Variants in ADAMTS17 observed in about 807,000 individuals in gnomAD.
The protein encoded by ADAMTS17 is A disintegrin and metalloproteinase with thrombospondin motifs 17.
Under a neutral mutation model 141.5 loss-of-function variants are expected in ADAMTS17, and 113 were observed. That is an observed-to-expected ratio of 0.80 (90% CI 0.69 to 0.93). ADAMTS17 has a LOEUF of 0.93. Among genes scored for constraint, ADAMTS17 ranks in the 40% least tolerant of loss-of-function variants. The pLI, the probability that ADAMTS17 is intolerant of heterozygous loss-of-function variation, is 0.00. For synonymous variants in ADAMTS17, 768 were observed against 630.6 expected (o/e 1.22, Z -3.27); for missense variants, 1,659 against 1,517.9 (o/e 1.09, Z -1.54).
intron 6 of ADAMTS17, among the ~76,000 whole-genome samples, chr15:100,256,225 C>A (rs542559144): frequency 6.6e-6 from 1 of 152,212 alleles, no homozygotes; most frequent in Non-Finnish European, 1.5e-5. Flanking sequence ...TGGCTCCCAG[C>A]GCCTACATCC....
chr15:100,221,678 A>G (rs112819327), intron 7 of ADAMTS17, among the ~76,000 whole-genome samples: 2,093 of 152,280 alleles, frequency 0.014, 23 homozygotes, highest in Middle Eastern at 0.031. Context: ...CGTCATTCTC[A>G]TGGGTCTCAA....
intron 7 of ADAMTS17, among the ~76,000 whole-genome samples, chr15:100,242,606 C>A (rs757441946): frequency 6.6e-6 from 1 of 152,188 alleles, no homozygotes; most frequent in Non-Finnish European, 1.5e-5. Flanking sequence ...CTCTCCTCCC[C>A]GTCCTGCACA....
chr15:100,069,572 G>C (rs977766963), intron 15 of ADAMTS17, among the ~76,000 whole-genome samples: 10 of 152,180 alleles, frequency 6.6e-5, no homozygotes, highest in Admixed American at 6.5e-4. Flanking sequence ...AGCCAGAAGA[G>C]AGTGGGGGCC....
At chr15:100,151,172 C>T (rs1015243632) in intron 10 of ADAMTS17, among the ~76,000 whole-genome samples, 3 of 152,200 alleles carry the variant, frequency 2.0e-5, no homozygotes, top group Non-Finnish European at 4.4e-5. Context: ...ACATGGGTGA[C>T]AGCTTCCCAC....
At chr15:100,276,792 G>A (rs1352186703) in intron 4 of ADAMTS17, among the ~76,000 whole-genome samples, 5 of 152,002 alleles carry the variant, frequency 3.3e-5, no homozygotes, top group African/African-American at 9.7e-5. Flanking sequence ...CCGTCCTCCC[G>A]GCTTAAAGGT....
chr15:100,308,253 CATTTT>C (rs776098080), intron 3 of ADAMTS17, among the ~76,000 whole-genome samples: 6 of 152,202 alleles, frequency 3.9e-5, no homozygotes, highest in Admixed American at 6.5e-5. Flanking sequence ...TATTATAAAA[CATTTT>C]ATTTTATCTG....
At chr15:100,082,957 G>T (rs1434915712) in intron 15 of ADAMTS17, among the ~76,000 whole-genome samples, 1 of 152,002 alleles carries the variant, frequency 6.6e-6, no homozygotes, top group Admixed American at 6.6e-5. Flanking sequence ...GAATGAAGAG[G>T]CGTTTCCTAG....
At chr15:100,090,824 G>A (rs554189711) in intron 15 of ADAMTS17, among the ~76,000 whole-genome samples, 26 of 151,566 alleles carry the variant, frequency 1.7e-4, no homozygotes, top group Admixed American at 1.3e-3. Flanking sequence ...TGAACGACAC[G>A]GTGAAACCCC....
At chr15:100,146,650 T>A (rs186648425) in intron 10 of ADAMTS17, among the ~76,000 whole-genome samples, 77 of 81,386 alleles carry the variant, frequency 9.5e-4, no homozygotes, top group African/African-American at 2.7e-3. Context: ...AAACTCTGAC[T>A]GCCGGTGAGC....
intron 3 of ADAMTS17, among the ~76,000 whole-genome samples, chr15:100,283,245 G>A (rs944611407): frequency 3.9e-5 from 6 of 152,184 alleles, no homozygotes; most frequent in Non-Finnish European, 5.9e-5. Flanking sequence ...AGCCTTCCGG[G>A]CCTCAGTGAT....
At chr15:100,070,688 C>A (rs1418421946) in intron 15 of ADAMTS17, among the ~76,000 whole-genome samples, 1 of 149,622 alleles carries the variant, frequency 6.7e-6, no homozygotes, top group Non-Finnish European at 1.5e-5. Flanking sequence ...TGTTCTTTGA[C>A]ACCAACGAGA....
At chr15:100,199,647 G>A (rs565170694) in intron 7 of ADAMTS17, among the ~76,000 whole-genome samples, 8 of 152,274 alleles carry the variant, frequency 5.3e-5, no homozygotes, top group African/African-American at 1.4e-4. Flanking sequence ...AATACGCGTC[G>A]GGGGTGTGCT....
chr15:100,084,763 C>T (rs116054274), intron 15 of ADAMTS17, among the ~76,000 whole-genome samples: 140 of 152,324 alleles, frequency 9.2e-4, no homozygotes, highest in African/African-American at 3.3e-3. Context: ...CAAAATCCAA[C>T]AGACCTGTAG....
intron 8 of ADAMTS17, among the ~76,000 whole-genome samples, chr15:100,160,002 T>C (rs2039615827): frequency 1.3e-5 from 2 of 152,180 alleles, no homozygotes; most frequent in Admixed American, 6.5e-5. Flanking sequence ...TGCACTTGCC[T>C]GGGTCACTGC....
chr15:100,097,901 G>T (rs867669851), intron 14 of ADAMTS17, among the ~76,000 whole-genome samples: 23 of 152,268 alleles, frequency 1.5e-4, no homozygotes, highest in Middle Eastern at 6.8e-3. Context: ...AAGATCTAAT[G>T]GGAAATTACT....
At chr15:100,252,522 A>T (rs966789604) in intron 7 of ADAMTS17, among the ~76,000 whole-genome samples, 1 of 152,292 alleles carries the variant, frequency 6.6e-6, no homozygotes, top group African/African-American at 2.4e-5. Flanking sequence ...GGCGCCCCGG[A>T]CATGGGTACT....
chr15:100,082,669 AT>A (rs1367653161), intron 15 of ADAMTS17, among the ~76,000 whole-genome samples: 2 of 148,990 alleles, frequency 1.3e-5, no homozygotes, highest in African/African-American at 4.9e-5. Context: ...TTCCCATGGC[AT>A]TCTGTTCTTG....
chr15:100,021,736 A>G (rs2061410098), intron 18 of ADAMTS17, among the ~76,000 whole-genome samples: 1 of 152,222 alleles, frequency 6.6e-6, no homozygotes, highest in South Asian at 2.1e-4. Flanking sequence ...AAAAAGAAGT[A>G]CCAGGGTAGA....
intron 7 of ADAMTS17, among the ~76,000 whole-genome samples, chr15:100,245,853 T>C (rs2042970435): frequency 6.6e-6 from 1 of 152,192 alleles, no homozygotes; most frequent in Non-Finnish European, 1.5e-5. Context: ...TCCATGGGTG[T>C]GCATGCACCC....
Sources: gnomAD v4.1 joint callset for allele counts (sites outside exome capture counted in the v4.1 genomes callset) on GRCh38, gnomAD v4.1.1 for gene constraint, MANE v1.5 for transcripts, NCBI Gene and HGNC (gene_info 2026-07-23, HGNC 2026-07-21) for gene names.